Variants in CFAP57 observed in about 807,000 individuals in gnomAD.
CFAP57 encodes cilia- and flagella-associated protein 57.
In CFAP57, 116 loss-of-function variants were observed where a neutral mutation model predicts 146.8. The observed-to-expected ratio is 0.79, with a 90% confidence interval of 0.68 to 0.92. The LOEUF (loss-of-function observed/expected upper bound fraction) is 0.92, where lower values mean the gene tolerates loss of function less well. CFAP57 is among the 40% of genes least tolerant of loss of function. The pLI, the probability that CFAP57 is intolerant of heterozygous loss-of-function variation, is 0.00. For synonymous variants in CFAP57, 518 were observed against 552.8 expected, an observed-to-expected ratio of 0.94 and a Z score of 0.88; for missense variants, 1,377 against 1,527.2, an observed-to-expected ratio of 0.90 and a Z score of 1.64.
chr1:43,216,411 G>A (rs923293096), intron 12 of CFAP57, among the ~76,000 whole-genome samples: 21 of 152,180 alleles, frequency 1.4e-4, no homozygotes, highest in African/African-American at 4.6e-4. Context: ...GGAGGGGCCC[G>A]TGAGAGTGGG....
chr1:43,205,260 C>T (rs1425216410), intron 9 of CFAP57, among the ~76,000 whole-genome samples: 1 of 108,108 alleles, frequency 9.3e-6, no homozygotes, highest in Non-Finnish European at 2.1e-5. Flanking sequence ...ACCAAGATCT[C>T]CACTGTTTTA....
At chr1:43,192,840 T>G (rs1039611504) in intron 6 of CFAP57, among the ~76,000 whole-genome samples, 1 of 151,850 alleles carries the variant, frequency 6.6e-6, no homozygotes, top group African/African-American at 2.4e-5. Context: ...GGCAGGAGAA[T>G]TGCTAGAACC....
rs1037453098 is a variant in CFAP57 at position 43,229,062 on chromosome 1, G to T, written c.3009+1936G>T. On this transcript the variant is annotated intron_variant, in intron 18 of 22. Transcript: ENST00000372492. ...TCACCATTGGAATTTGGGGTGGAGG[G>T]CACCAACGTTCATCAGACCATAGCA... 2.0e-5 allele frequency among the ~76,000 whole-genome samples: 3 copies of T among 148,890 alleles called. 1 individual carries two copies. The highest frequency in any genetic ancestry group is 7.5e-5 in the African/African-American group (3 of 39,852).
chr1:43,221,181 C>T (rs1459613677), intron 13 of CFAP57, among the ~76,000 whole-genome samples, 191 bp from the exon 14 acceptor site: 2 of 152,296 alleles, frequency 1.3e-5, no homozygotes, highest in Non-Finnish European at 2.9e-5. Context: ...CAGTATAGAG[C>T]TTTTAGAGCA....
intron 18 of CFAP57, among the ~76,000 whole-genome samples, chr1:43,230,860 G>C (rs1645438865): frequency 6.6e-6 from 1 of 152,178 alleles, no homozygotes; most frequent in Admixed American, 6.5e-5. Context: ...GCCTCTTGAA[G>C]GCAGAAACTA....
Position 43,184,311 on chromosome 1 carries a change from T to C in CFAP57, c.761+434T>C, listed in dbSNP as rs547327236. 3.3e-5 allele frequency among the ~76,000 whole-genome samples: 5 copies of C among 152,236 alleles called. No homozygotes were observed. In the South Asian group the frequency reaches 1.0e-3, roughly 32 times the overall value. ...AACAAGTGCAAGGAAATGTTTTAGG[T>C]AAATCTGACAGAGGATAGGGGTAAA... On this transcript the variant is annotated intron_variant, in intron 4 of 22. Transcript: ENST00000372492.
At chr1:43,234,755 A>G (rs1645622043) in intron 21 of CFAP57, 117 bp downstream of exon 21, 1 of 1,267,638 alleles carries the variant, frequency 7.9e-7, no homozygotes, top group Non-Finnish European at 1.1e-6. Context: ...CTGGGGGCCC[A>G]GTAGCTCCCC....
intron 18 of CFAP57, among the ~76,000 whole-genome samples, chr1:43,231,398 A>T (rs1300919259): frequency 6.6e-6 from 1 of 151,686 alleles, no homozygotes; most frequent in African/African-American, 2.4e-5. Flanking sequence ...CAGTCAGCAA[A>T]CCTCCCTCTT....
chr1:43,222,065 C>T (rs1645067645), intron 14 of CFAP57, 40 bp from the exon 15 acceptor site: 6 of 1,504,428 alleles, frequency 4.0e-6, no homozygotes, highest in Non-Finnish European at 5.4e-6. Context: ...GAAGCAAGTG[C>T]TGCTCTCCCA....
chr1:43,232,025 G>A (rs996315065), intron 18 of CFAP57: 2 of 693,808 alleles, frequency 2.9e-6, no homozygotes, highest in Admixed American at 4.1e-5. Flanking sequence ...CCTTAGATGG[G>A]TGGTGCCCAC....
intron 13 of CFAP57, among the ~76,000 whole-genome samples, chr1:43,220,004 A>C (rs182408747): frequency 2.0e-5 from 3 of 152,330 alleles, no homozygotes; most frequent in African/African-American, 7.2e-5. Context: ...TCAATTGCTA[A>C]GTGAAAAAAA....
At chr1:43,173,259 A>C (rs1236273159) in intron 2 of CFAP57, among the ~76,000 whole-genome samples, 2 of 152,304 alleles carry the variant, frequency 1.3e-5, no homozygotes, top group Non-Finnish European at 2.9e-5. Context: ...CACCACCTTC[A>C]TTATATCACC....
intron 22 of CFAP57, among the ~76,000 whole-genome samples, chr1:43,252,004 A>G (rs576262469): frequency 2.0e-5 from 3 of 152,344 alleles, no homozygotes; most frequent in Admixed American, 2.0e-4. Flanking sequence ...TGTTCTTTGT[A>G]ATAAGCCTTA....
chr1:43,247,345 C>T (rs1646149012), intron 22 of CFAP57, among the ~76,000 whole-genome samples: 1 of 152,206 alleles, frequency 6.6e-6, no homozygotes, highest in South Asian at 2.1e-4. Flanking sequence ...ATATTTTATT[C>T]TTCATACACA....
intron 21 of CFAP57, among the ~76,000 whole-genome samples, chr1:43,240,969 G>C (rs1398541322): frequency 6.6e-6 from 1 of 152,188 alleles, no homozygotes; most frequent in Non-Finnish European, 1.5e-5. Flanking sequence ...CAAGTAGCTG[G>C]GAGTACAGGC....
intron 21 of CFAP57, among the ~76,000 whole-genome samples, chr1:43,236,391 C>T (rs1158669207): frequency 6.6e-6 from 1 of 151,756 alleles, no homozygotes; most frequent in Non-Finnish European, 1.5e-5. Flanking sequence ...GTTTTCAAAA[C>T]CACTGTGCCG....
At chr1:43,228,041 T>C (rs1645321763) in intron 18 of CFAP57, among the ~76,000 whole-genome samples, 1 of 152,164 alleles carries the variant, frequency 6.6e-6, no homozygotes. Context: ...CCATCTCTTA[T>C]CTGGACTGGA....
At chr1:43,215,713 C>T (rs981457279) in intron 12 of CFAP57, among the ~76,000 whole-genome samples, 1 of 152,212 alleles carries the variant, frequency 6.6e-6, no homozygotes, top group Non-Finnish European at 1.5e-5. Flanking sequence ...ATGAAACATA[C>T]AGTTCTCTTA....
chr1:43,195,067 G>C (rs983305661), intron 6 of CFAP57: 2 of 152,124 alleles, frequency 1.3e-5, no homozygotes, highest in African/African-American at 4.8e-5. Flanking sequence ...TGAGGACAGG[G>C]GAAAATGATA....
Sources: gnomAD v4.1 joint callset for allele counts (sites outside exome capture counted in the v4.1 genomes callset) on GRCh38, gnomAD v4.1.1 for gene constraint, MANE v1.5 for transcripts, NCBI Gene and HGNC (gene_info 2026-07-23, HGNC 2026-07-21) for gene names.